The following F10 variants were observed in gnomAD, a reference collection of about 807,000 sequenced individuals.
The protein encoded by F10 is Stuart-Prower factor.
Under a neutral mutation model 37.1 loss-of-function variants are expected in F10, and 29 were observed. The observed-to-expected ratio is 0.78, with a 90% CI of 0.58 to 1.07. The LOEUF (loss-of-function observed/expected upper bound fraction) is 1.07. Ranked by LOEUF, F10 falls within the 50% of genes least tolerant of loss-of-function variation. The pLI, the probability that F10 is intolerant of heterozygous loss-of-function variation, is 0.00. For missense variants in F10, 539 were observed against 667.9 expected (o/e 0.81, Z 2.13); for synonymous variants, 262 against 268.6 (o/e 0.98, Z 0.24).
chr13:113,135,174 T>C (rs1218708788), intron 2 of F10, among the ~76,000 whole-genome samples: 1 of 149,156 alleles, frequency 6.7e-6, no homozygotes, highest in African/African-American at 2.5e-5. Context: ...ACCTGGGAGG[T>C]GAAGGTTGCA....
chr13:113,126,998 A>T (rs1276855582), intron 1 of F10, among the ~76,000 whole-genome samples: 2 of 152,250 alleles, frequency 1.3e-5, no homozygotes, highest in Non-Finnish European at 2.9e-5. Context: ...GGGCAGGGTC[A>T]AGAAATAATA....
rs538772464 is a variant in F10, at chr13:113,146,514, G to C, written c.748-865G>C. Among the ~76,000 whole-genome samples the C allele has an allele frequency of 6.6e-6, 1 of 152,182 alleles. No individual in the cohort carries two copies. The highest frequency in any genetic ancestry group is 1.5e-5 in the Non-Finnish European group (1 of 68,044). On this transcript the variant is annotated intron_variant, in intron 6 of 7. Transcript: ENST00000375559. The surrounding 1 kb of genome is among the most constrained non-coding windows in gnomAD (Gnocchi z 4.5). ...TTGCGATTCTTGTTTCCTGGTTCGA[G>C]TCTTGGCAAGTGGGCCTCATCTGCA...
At chr13:113,132,945 G>T (rs892406071) in intron 2 of F10, among the ~76,000 whole-genome samples, 3 of 152,160 alleles carry the variant, frequency 2.0e-5, no homozygotes, top group African/African-American at 7.2e-5. Context: ...AAAATAACTG[G>T]AAACTTCCCT....
intron 5 of F10, among the ~76,000 whole-genome samples, chr13:113,142,074 C>A (rs185362487): frequency 6.6e-6 from 1 of 152,232 alleles, no homozygotes; most frequent in Admixed American, 6.5e-5. Flanking sequence ...ATCCTTCAAG[C>A]GCTGCTTCAA....
At chr13:113,131,621 G>A (rs1403606753) in intron 2 of F10, 1 of 152,240 alleles carries the variant, frequency 6.6e-6, no homozygotes, top group East Asian at 1.9e-4. Flanking sequence ...AACATATTCA[G>A]GCGCCTTGAT....
chr13:113,145,706 G>A (rs564474502), intron 6 of F10, among the ~76,000 whole-genome samples: 21 of 152,276 alleles, frequency 1.4e-4, no homozygotes, highest in Non-Finnish European at 2.6e-4. Context: ...CGCAAGGCAC[G>A]TCTTACATGG....
At position 113,146,197 on chromosome 13, in the gene F10, C is replaced by T. The variant is rs2036581220; in HGVS notation, c.748-1182C>T. ...TGTGTGTCAGGCACTGAGCCGGGTG[C>T]TGTGTAGGTGGGATATGAAACCATG... On this transcript the variant is annotated intron_variant, in intron 6 of 7. Coordinates refer to ENST00000375559, the MANE Select transcript of F10 (RefSeq NM_000504.4). This position sits in a 1 kb window ranked among gnomAD's most constrained non-coding sequence, Gnocchi z 4.5. Among the ~76,000 whole-genome samples, 1 of 152,162 alleles carries T rather than the reference C, an allele frequency of 6.6e-6. No individual in the cohort carries two copies. The highest frequency in any genetic ancestry group is 1.5e-5 in the Non-Finnish European group (1 of 68,042).
chr13:113,145,510 G>A (rs1016016729), intron 6 of F10, among the ~76,000 whole-genome samples: 15 of 151,310 alleles, frequency 9.9e-5, no homozygotes, highest in East Asian at 1.9e-4. Flanking sequence ...TCCAAGTATC[G>A]CATGAAGCAT....
intron 2 of F10, 100 bp downstream of exon 2, chr13:113,129,712 A>G: frequency 6.6e-7 from 1 of 1,518,362 alleles, no homozygotes; most frequent in Non-Finnish European, 9.1e-7. Flanking sequence ...GCCTGGAGGA[A>G]GGGGCAGCGT....
rs940542204 is a variant in F10 at position 113,146,037 on chromosome 13, C to T, written c.748-1342C>T. On this transcript the variant is annotated intron_variant, in intron 6 of 7. Coordinates refer to ENST00000375559, the MANE Select transcript of F10 (RefSeq NM_000504.4). The surrounding 1 kb of genome is among the most constrained non-coding windows in gnomAD (Gnocchi z 4.5). ...CAAGCAAGAATCTCAGAGCTGCCAGCGCCCCCATGAATTCCCCCAGGTCTT... is the reference window on the plus strand; with the variant it reads ...CAAGCAAGAATCTCAGAGCTGCCAGTGCCCCCATGAATTCCCCCAGGTCTT... Among the ~76,000 whole-genome samples the T allele has an allele frequency of 3.9e-5, 6 of 152,274 alleles. No homozygotes were observed. Among genetic ancestry groups the T allele is most frequent in the Non-Finnish European group, 7.4e-5 (5 of 68,022 alleles).
At position 113,143,898 on chromosome 13, in the gene F10, G is replaced by C. The variant is rs148472205; in HGVS notation, c.550G>C (p.Val184Leu). 1.5e-5 allele frequency: 25 copies of C among 1,613,268 alleles called. No individual in the cohort carries two copies. Among genetic ancestry groups the C allele is most frequent in the Non-Finnish European group, 1.9e-5 (23 of 1,180,030 alleles). The change falls in exon 6 of 8, where the codon GTG (valine) becomes CTG (leucine). Residue 184 changes from valine to leucine, a missense_variant. By Grantham distance (32) the Val-to-Leu change is conservative. This residue lies in a region of F10 where 409 missense variants were observed against 547.9 expected (regional missense o/e 0.75). Coordinates refer to ENST00000375559, the MANE Select transcript of F10 (RefSeq NM_000504.4). The surrounding 1 kb of genome is among the most constrained non-coding windows in gnomAD (Gnocchi z 6.8). ...GACCCTGGAACGCAGGAAGAGGTCA[G>C]TGGCCCAGGCCACCAGCAGCAGCGG... ...KQTLERRKRS[V>L]AQATSSSGEA...
At position 113,146,140 on chromosome 13, in the gene F10, G is replaced by A. The variant is rs2036580674; in HGVS notation, c.748-1239G>A. The stretch of plus-strand genomic sequence containing the variant: ...AAGCGAGAGAGGGATGCACTGAGGT[G>A]GCTCTGCAATGCATGTTTGTTGAGG... On this transcript the variant is annotated intron_variant, in intron 6 of 7. Coordinates refer to ENST00000375559, the MANE Select transcript of F10 (RefSeq NM_000504.4). The surrounding 1 kb of genome is among the most constrained non-coding windows in gnomAD (Gnocchi z 4.5). 6.6e-6 allele frequency among the ~76,000 whole-genome samples: 1 copy of A among 152,220 alleles called. No homozygotes were observed. The highest frequency in any genetic ancestry group is 2.4e-5 in the African/African-American group (1 of 41,454).
chr13:113,130,557 G>GC (rs912381546), intron 2 of F10: 1 of 152,340 alleles, frequency 6.6e-6, no homozygotes, highest in African/African-American at 2.4e-5. Context: ...CGCGGCTGGT[G>GC]CCATCAGCCA....
chr13:113,140,935 C>T lies in F10; in HGVS notation c.387C>T (p.Cys129=). The T allele has an allele frequency of 1.2e-6, 2 of 1,614,104 alleles. No homozygotes were observed. Among genetic ancestry groups the T allele is most frequent in the South Asian group, 2.2e-5 (2 of 91,090 alleles). ...CCTTTGCAGTCACACGGAAGCTCTG[C>T]AGCCTGGACAACGGGGACTGTGACC... The part of the protein sequence containing the change: ...KNCELFTRKL[C]SLDNGDCDQF... Residue 129 remains cysteine, a synonymous_variant, in exon 5 of 8, where the codon TGC becomes TGT. Transcript: ENST00000375559.
chr13:113,133,899 A>G (rs2036455597), intron 2 of F10, among the ~76,000 whole-genome samples: 6 of 152,250 alleles, frequency 3.9e-5, no homozygotes, highest in Admixed American at 3.9e-4. Context: ...GTAATCCACC[A>G]TATAAACAAA....
intron 7 of F10, among the ~76,000 whole-genome samples, chr13:113,148,345 A>AAATATATATAT (rs1300922846): frequency 6.0e-4 from 57 of 95,402 alleles, no homozygotes; most frequent in African/African-American, 2.1e-3. Context: ...AAAAAAAAAA[A>AAATATATATAT]ATATATATAT....
intron 1 of F10, 34 bp downstream of exon 1, chr13:113,122,959 G>T: frequency 6.2e-7 from 1 of 1,604,374 alleles, no homozygotes. Flanking sequence ...CCCAAAAGCA[G>T]CGCCAGGGAG....
chr13:113,148,827 A>G lies in F10; in HGVS notation c.866-89A>G, dbSNP rs2036609396. ...TGATCACGTGCCATTTTTAATTTAA[A>G]AAAATATATATAACTTCCTTAAAAA... On this transcript the variant is annotated intron_variant, in intron 7 of 7. Transcript: ENST00000375559. 6 of 1,530,938 alleles carry G rather than the reference A, an allele frequency of 3.9e-6. No individual in the cohort carries two copies. The South Asian group carries it at 7.6e-5, about 19-fold the overall frequency. 94.8% of individuals were successfully genotyped at this position (1,530,938 alleles called of 1,614,324 possible).
intron 2 of F10, among the ~76,000 whole-genome samples, chr13:113,134,906 C>T (rs1228612882): frequency 6.6e-6 from 1 of 152,030 alleles, no homozygotes; most frequent in Non-Finnish European, 1.5e-5. Flanking sequence ...TAAATAGAGA[C>T]ACATACAGTG....
Sources: allele counts gnomAD v4.1 joint callset (sites outside exome capture counted in the v4.1 genomes callset), GRCh38; gene constraint gnomAD v4.1.1; regional missense constraint gnomAD v4.1.1; non-coding constraint Gnocchi (gnomAD v3.1); transcripts MANE v1.5; gene names NCBI Gene and HGNC (gene_info 2026-07-23, HGNC 2026-07-21).